PDE1C: variants seen among roughly 807,000 people sequenced by gnomAD.
PDE1C encodes dual specificity calcium/calmodulin-dependent 3',5'-cyclic nucleotide phosphodiesterase 1C.
A neutral mutation model predicts 93.1 loss-of-function variants in PDE1C; 62 were observed. That is an observed-to-expected ratio of 0.67 (90% CI 0.54 to 0.82). The LOEUF (loss-of-function observed/expected upper bound fraction) is 0.82. Among genes scored for constraint, PDE1C ranks in the 40% least tolerant of loss-of-function variants. PDE1C has a pLI of 0.00. For missense variants in PDE1C, 742 were observed against 884.6 expected (o/e 0.84, Z 2.04); for synonymous variants, 325 against 310.1 (o/e 1.05, Z -0.50).
At chr7:32,125,272 A>G (rs1465997070) in intron 3 of PDE1C, among the ~76,000 whole-genome samples, 2 of 152,218 alleles carry the variant, frequency 1.3e-5, no homozygotes, top group Non-Finnish European at 2.9e-5. Context: ...TGTTGGTGGG[A>G]ATGTAAATTA....
intron 1 of PDE1C, among the ~76,000 whole-genome samples, chr7:32,266,153 G>A (rs1174789730): frequency 1.3e-5 from 2 of 152,004 alleles, no homozygotes; most frequent in East Asian, 1.9e-4. Context: ...GTGGTGGCAG[G>A]TGCCTGTAGT....
chr7:32,248,279 G>A (rs541342399), intron 1 of PDE1C, among the ~76,000 whole-genome samples: 9 of 152,218 alleles, frequency 5.9e-5, no homozygotes, highest in Admixed American at 1.3e-4. Flanking sequence ...AGAAGTCCTC[G>A]AGGGAAAGAA....
chr7:31,854,936 G>A (rs560199102), intron 7 of PDE1C, among the ~76,000 whole-genome samples: 15 of 151,932 alleles, frequency 9.9e-5, no homozygotes, highest in Admixed American at 3.9e-4. Flanking sequence ...GTGTGCTGGC[G>A]GGTGCCTGTA....
At chr7:31,659,758 G>A in the PDE1C span, among the ~76,000 whole-genome samples, 1 of 152,072 alleles carries the variant, frequency 6.6e-6, no homozygotes, top group Non-Finnish European at 1.5e-5. Context: ...ATTTTGTGTG[G>A]CCTTCTGCAA....
the PDE1C span, among the ~76,000 whole-genome samples, chr7:31,688,285 G>C: frequency 1.3e-5 from 2 of 152,208 alleles, no homozygotes; most frequent in South Asian, 4.1e-4. Context: ...AGTTCACCCA[G>C]CTAGAGAGTG....
chr7:32,063,555 C>G (rs570500174), intron 1 of PDE1C, among the ~76,000 whole-genome samples: 15 of 152,326 alleles, frequency 9.8e-5, no homozygotes, highest in African/African-American at 3.4e-4. Flanking sequence ...AACTAATACA[C>G]TAGCATAACC....
the PDE1C span, among the ~76,000 whole-genome samples, chr7:31,674,390 G>A: frequency 2.0e-5 from 3 of 152,184 alleles, no homozygotes; most frequent in East Asian, 1.9e-4. Flanking sequence ...AAATGCTTTC[G>A]ACTTTTCTAT....
intron 3 of PDE1C, among the ~76,000 whole-genome samples, chr7:32,110,848 C>T (rs1357877658): frequency 6.6e-6 from 1 of 152,134 alleles, no homozygotes; most frequent in Non-Finnish European, 1.5e-5. Flanking sequence ...AAAATATCTA[C>T]CAGTAAAATA....
chr7:32,177,848 T>A (rs1199134057), intron 2 of PDE1C, among the ~76,000 whole-genome samples: 1 of 152,160 alleles, frequency 6.6e-6, no homozygotes, highest in Non-Finnish European at 1.5e-5. Context: ...TCTGTTGGCC[T>A]TACTGTATTT....
At position 32,250,986 on chromosome 7, in the gene PDE1C, G is replaced by A. The variant is rs146046270; in HGVS notation, c.86-41447C>T. Among the ~76,000 whole-genome samples, 621 of 152,328 alleles carry A rather than the reference G, an allele frequency of 4.1e-3. 2 individuals are homozygous for A. Among genetic ancestry groups the A allele is most frequent in the Non-Finnish European group, 7.2e-3 (489 of 68,036 alleles). ...TGGCGACATTTGTACAAGTCAAGCC[G>A]GATTAAGTCAGGAGCTCTAGTGAAG... On this transcript the variant is annotated intron_variant, in intron 1 of 18. Coordinates refer to the PDE1C transcript ENST00000396193.
At chr7:31,697,847 G>C in the PDE1C span, among the ~76,000 whole-genome samples, 1 of 152,186 alleles carries the variant, frequency 6.6e-6, no homozygotes, top group Non-Finnish European at 1.5e-5. Context: ...ATATAATAGA[G>C]AGGCTATTAT....
intron 16 of PDE1C, among the ~76,000 whole-genome samples, chr7:31,777,710 T>A (rs1459760338): frequency 6.6e-6 from 1 of 152,178 alleles, no homozygotes; most frequent in Non-Finnish European, 1.5e-5. Flanking sequence ...TTATTGTTAA[T>A]CATTATTATT....
At chr7:32,342,899 T>C (rs553211271) in intron 1 of PDE1C, among the ~76,000 whole-genome samples, 11 of 152,346 alleles carry the variant, frequency 7.2e-5, no homozygotes, top group African/African-American at 2.4e-4. Flanking sequence ...TTTGTGCTTG[T>C]TTATTTGTAA....
At chr7:31,902,075 A>G (rs113626373) in intron 2 of PDE1C, among the ~76,000 whole-genome samples, 5,084 of 151,628 alleles carry the variant, frequency 0.034, 274 homozygotes, top group African/African-American at 0.12. Context: ...GGTTTCTCTA[A>G]GCATGGCATC....
At chr7:32,259,823 C>A (rs10231440) in intron 1 of PDE1C, among the ~76,000 whole-genome samples, 17,780 of 152,128 alleles carry the variant, frequency 0.12, 1,194 homozygotes, top group African/African-American at 0.16. Context: ...ACGAGCCCCT[C>A]CTGCCCCCAA....
At chr7:31,658,443 C>T in the PDE1C span, 164 of 1,399,858 alleles carry the variant, frequency 1.2e-4, no homozygotes, top group African/African-American at 1.9e-3. Context: ...TAACACATGT[C>T]GAACAAAATA....
Position 31,831,433 on chromosome 7 carries a change from G to A in PDE1C, c.1204-3060C>T, listed in dbSNP as rs76078623. On this transcript the variant is annotated intron_variant, in intron 11 of 17. Coordinates refer to ENST00000396191, the MANE Select transcript of PDE1C (RefSeq NM_001191057.4). The stretch of plus-strand genomic sequence containing the variant: ...ATGCCAAGAGGCTAGGCAGAGAATA[G>A]ACATTGAATTGCAAGAGGCCCTACA... 7.4e-3 allele frequency among the ~76,000 whole-genome samples: 1,129 copies of A among 151,866 alleles called. 9 individuals carry two copies. The highest frequency in any genetic ancestry group is 0.011 in the Non-Finnish European group (770 of 67,964).
chr7:31,944,216 T>A (rs996600094), intron 2 of PDE1C, among the ~76,000 whole-genome samples: 1 of 152,202 alleles, frequency 6.6e-6, no homozygotes, highest in Non-Finnish European at 1.5e-5. Flanking sequence ...GTCGTCCTCA[T>A]CCTACTATGC....
chr7:32,295,643 A>T (rs946011592), intron 1 of PDE1C, among the ~76,000 whole-genome samples: 1 of 152,178 alleles, frequency 6.6e-6, no homozygotes, highest in African/African-American at 2.4e-5. Flanking sequence ...TGTAATCCCA[A>T]CACTTTGGGA....
Sources: allele counts gnomAD v4.1 joint callset (sites outside exome capture counted in the v4.1 genomes callset), GRCh38; gene constraint gnomAD v4.1.1; transcripts MANE v1.5; gene names NCBI Gene and HGNC (gene_info 2026-07-23, HGNC 2026-07-21).